The following TENM3 variants were observed in gnomAD, a reference collection of about 807,000 sequenced individuals.
TENM3 encodes the protein teneurin-3.
In TENM3, 63 loss-of-function variants were observed where a neutral mutation model predicts 255.1. The ratio of observed to expected loss-of-function variants is 0.25; its 90% CI spans 0.20 to 0.30. The LOEUF (loss-of-function observed/expected upper bound fraction) is 0.30. Ranked by LOEUF, TENM3 falls within the 10% of genes least tolerant of loss-of-function variation. The pLI, the probability that TENM3 is intolerant of heterozygous loss-of-function variation, is 1.00. For missense variants in TENM3, 2,929 were observed against 3,461.1 expected, an observed-to-expected ratio of 0.85 and a Z score of 3.86; for synonymous variants, 1,306 against 1,322.3, an observed-to-expected ratio of 0.99 and a Z score of 0.27.
At chr4:182,763,803 C>T (rs775421520) in intron 22 of TENM3, among the ~76,000 whole-genome samples, 15 of 152,160 alleles carry the variant, frequency 9.9e-5, no homozygotes, top group Non-Finnish European at 2.1e-4. Flanking sequence ...CCTTTAAACC[C>T]TCAAGGAAGG....
the TENM3 span, among the ~76,000 whole-genome samples, chr4:181,592,662 C>CTTTTTTTTTT: frequency 7.7e-6 from 1 of 130,058 alleles, no homozygotes; most frequent in Non-Finnish European, 1.6e-5. Flanking sequence ...GAAAATCTCT[C>CTTTTTTTTTT]TTTTTTTTTT....
At position 182,740,513 on chromosome 4, in the gene TENM3, C is replaced by A. The variant is rs556404003; in HGVS notation, c.3379+1969C>A. On this transcript the variant is annotated intron_variant, in intron 18 of 27. Coordinates refer to ENST00000511685, the MANE Select transcript of TENM3 (RefSeq NM_001080477.4). ...ACATATTTCTGTATTCCTTCAGAAA[C>A]CCTCTAAAAACAAAACTAGGGGAAA... is the stretch of plus-strand genomic sequence containing the variant. 6.7e-4 allele frequency among the ~76,000 whole-genome samples: 102 copies of A among 152,246 alleles called. 1 individual carries two copies. The South Asian group carries it at 0.021, about 31-fold the overall frequency.
the TENM3 span, among the ~76,000 whole-genome samples, chr4:181,759,120 C>A: frequency 6.6e-6 from 1 of 151,556 alleles, no homozygotes; most frequent in African/African-American, 2.4e-5. Context: ...TAATGCAGGG[C>A]GGGGAGCTGG....
the TENM3 span, among the ~76,000 whole-genome samples, chr4:182,136,780 T>G: frequency 6.6e-6 from 1 of 152,208 alleles, no homozygotes; most frequent in Non-Finnish European, 1.5e-5. Flanking sequence ...AGAACACTGT[T>G]TCAACATAAG....
the TENM3 span, among the ~76,000 whole-genome samples, chr4:181,744,562 G>C: frequency 6.6e-6 from 1 of 152,188 alleles, no homozygotes; most frequent in Admixed American, 6.5e-5. Flanking sequence ...ATTTTTAAGG[G>C]ATATCCCTGG....
At chr4:182,087,778 A>G in the TENM3 span, among the ~76,000 whole-genome samples, 1,499 of 152,304 alleles carry the variant, frequency 9.8e-3, 29 homozygotes, top group African/African-American at 0.034. Context: ...GCATTTATTC[A>G]TTCATTTATT....
At chr4:181,690,650 TA>T in the TENM3 span, among the ~76,000 whole-genome samples, 115,798 of 150,830 alleles carry the variant, frequency 0.77, 44,885 homozygotes, top group Admixed American at 0.87. Context: ...AGAAAGGAGA[TA>T]AAAAAAAAAA....
At chr4:182,486,754 G>T (rs1408374690) in intron 3 of TENM3, among the ~76,000 whole-genome samples, 1 of 152,270 alleles carries the variant, frequency 6.6e-6, no homozygotes, top group South Asian at 2.1e-4. Flanking sequence ...GGGTGATCCA[G>T]TTGTGGTCCA....
chr4:182,792,412 A>G lies in TENM3; in HGVS notation c.5740A>G (p.Ile1914Val), dbSNP rs1230968037. The G allele has an allele frequency of 1.2e-6, 2 of 1,614,024 alleles. No homozygotes were observed. The highest frequency in any genetic ancestry group is 2.2e-5 in the East Asian group (1 of 44,888). Residue 1914 changes from isoleucine to valine, a missense_variant, in exon 26 of 28, where the codon ATA becomes GTA. Ile to Val is a conservative substitution (Grantham distance 29). Coordinates refer to ENST00000511685, the MANE Select transcript of TENM3 (RefSeq NM_001080477.4). The surrounding 1 kb of genome is among the most constrained non-coding windows in gnomAD (Gnocchi z 6.3). ...CCGATCCATTGGCTACTACCGCAAC[A>G]TATACAACCCCCCGGAAAGCAACGC... ...TIRSIGYYRN[I>V]YNPPESNASI...
the TENM3 span, among the ~76,000 whole-genome samples, chr4:181,723,822 G>C: frequency 6.6e-6 from 1 of 152,052 alleles, no homozygotes; most frequent in Admixed American, 6.6e-5. Flanking sequence ...ATGGATTTTT[G>C]ATACTTCAGA....
At chr4:182,235,629 C>T (rs1271407717) in intron 1 of TENM3, among the ~76,000 whole-genome samples, 1 of 151,978 alleles carries the variant, frequency 6.6e-6, no homozygotes, top group East Asian at 1.9e-4. Context: ...ACACGGGAGC[C>T]ATCTCTCACA....
At chr4:182,570,856 TAGAA>T (rs774468647) in intron 3 of TENM3, among the ~76,000 whole-genome samples, 55 of 151,716 alleles carry the variant, frequency 3.6e-4, no homozygotes, top group Admixed American at 7.9e-4. Context: ...CAAACAAACT[TAGAA>T]AGAGCCAATG....
At chr4:182,731,234 G>A (rs1241676165) in intron 16 of TENM3, 95 bp downstream of exon 16, 35 of 1,287,510 alleles carry the variant, frequency 2.7e-5, no homozygotes, top group East Asian at 1.4e-4. Context: ...GTCCGGGCAC[G>A]GTGGCTCACT....
chr4:182,670,661 T>A (rs1755121442), intron 6 of TENM3, among the ~76,000 whole-genome samples: 1 of 152,186 alleles, frequency 6.6e-6, no homozygotes, highest in African/African-American at 2.4e-5. Context: ...AATTCTAACA[T>A]TTGCTAGTGA....
At chr4:182,683,428 A>T (rs1051147058) in intron 11 of TENM3, among the ~76,000 whole-genome samples, 9 of 152,180 alleles carry the variant, frequency 5.9e-5, no homozygotes, top group Non-Finnish European at 1.5e-5. Context: ...AGCATTTCAG[A>T]TTTTGTATTT....
intron 3 of TENM3, among the ~76,000 whole-genome samples, chr4:182,577,599 T>G (rs963736766): frequency 6.6e-5 from 10 of 152,212 alleles, no homozygotes; most frequent in Non-Finnish European, 1.2e-4. Context: ...CACAGGAGAC[T>G]GCAGTGGTTA....
At chr4:182,421,702 G>C (rs1193229356) in intron 3 of TENM3, among the ~76,000 whole-genome samples, 2 of 152,048 alleles carry the variant, frequency 1.3e-5, no homozygotes, top group South Asian at 4.2e-4. Context: ...TATGTATTAA[G>C]GTTCTTTTAA....
chr4:181,952,500 C>T, the TENM3 span, among the ~76,000 whole-genome samples: 24,582 of 152,184 alleles, frequency 0.16, 2,445 homozygotes, highest in African/African-American at 0.27. Context: ...GGGCTCTTCA[C>T]AGAGAATGAG....
At position 182,799,661 on chromosome 4, in the gene TENM3, G is replaced by A; in HGVS notation, c.7410G>A (p.Met2470Ile). 6.5e-7 allele frequency: 1 copy of A among 1,548,314 alleles called. No homozygotes were observed. The change falls in exon 28 of 28, where the codon ATG (methionine) becomes ATA (isoleucine). Residue 2470 changes from methionine to isoleucine, a missense_variant. Met to Ile is a conservative substitution (Grantham distance 10). Transcript: ENST00000511685. The surrounding 1 kb of genome is among the most constrained non-coding windows in gnomAD (Gnocchi z 4.2). ...AGGCCTTCCTGTCGCTGGGGAAGAT[G>A]GCCGAGGTGCAGGTGAGCCGGCGCC... Reference protein sequence around the residue: ...QAKAFLSLGKMAEVQVSRRRA... With the variant: ...QAKAFLSLGKIAEVQVSRRRA...
Sources: gnomAD v4.1 joint callset for allele counts (sites outside exome capture counted in the v4.1 genomes callset) on GRCh38, gnomAD v4.1.1 for gene constraint, Gnocchi (gnomAD v3.1) non-coding constraint, MANE v1.5 for transcripts, NCBI Gene and HGNC (gene_info 2026-07-23, HGNC 2026-07-21) for gene names.